FLCN: variants seen among roughly 807,000 people sequenced by gnomAD.
FLCN encodes BHD skin lesion fibrofolliculoma protein.
In FLCN, 22 loss-of-function variants were observed where a neutral mutation model predicts 62.5. The ratio of observed to expected loss-of-function variants is 0.35; its 90% confidence interval spans 0.25 to 0.50. The LOEUF is 0.50. FLCN is among the 20% of genes least tolerant of loss of function. The pLI, the probability that FLCN is intolerant of heterozygous loss-of-function variation, is 0.97. For synonymous variants in FLCN, 319 were observed against 310.0 expected, an observed-to-expected ratio of 1.03 and a Z score of -0.30; for missense variants, 657 against 778.0, an observed-to-expected ratio of 0.84 and a Z score of 1.85.
Position 17,212,701 on chromosome 17 carries a change from G to T in FLCN, c.*954C>A, listed in dbSNP as rs909597510. 2 of 181,914 alleles carry T rather than the reference G, an allele frequency of 1.1e-5. No homozygotes were observed. The highest frequency in any genetic ancestry group is 2.3e-5 in the Non-Finnish European group (2 of 85,538). The allele number at this position is 181,914 out of a possible 1,614,324, so 11.3% of individuals were successfully genotyped here. A position where few individuals can be genotyped will look rare whatever the true frequency, so the allele number is the denominator to read the frequency against. ...CTCTGGAGGCTGAGGCAGGAGAATT[G>T]CTTGAACCCAGGAGGCAGAGGTTGC... On this transcript the variant is annotated 3_prime_UTR_variant, in exon 14 of 14. Coordinates refer to ENST00000285071, the MANE Select transcript of FLCN (RefSeq NM_144997.7).
intron 3 of FLCN, among the ~76,000 whole-genome samples, chr17:17,229,696 G>A (rs541968042): frequency 6.6e-6 from 1 of 152,344 alleles, no homozygotes; most frequent in South Asian, 2.1e-4. Flanking sequence ...TTTTTAAAAG[G>A]GGGAGTGGTA....
intron 9 of FLCN, 36 bp downstream of exon 9, chr17:17,218,983 C>T: frequency 6.2e-7 from 1 of 1,609,628 alleles, no homozygotes; most frequent in Non-Finnish European, 8.5e-7. Context: ...TGGCTCTCCT[C>T]CTGAGCTCCT....
At chr17:17,232,416 T>C (rs1308594777) in intron 2 of FLCN, among the ~76,000 whole-genome samples, 2 of 152,098 alleles carry the variant, frequency 1.3e-5, no homozygotes, top group African/African-American at 4.8e-5. Flanking sequence ...CTTGGAAAGA[T>C]GACAGCTGTT....
At chr17:17,228,867 CT>C (rs1201617746) in intron 3 of FLCN, 1 of 152,448 alleles carries the variant, frequency 6.6e-6, no homozygotes, top group African/African-American at 2.4e-5. Context: ...CCGAAAGACC[CT>C]GGATGTGTTA....
In FLCN at chr17:17,216,401, G is replaced by C. The variant is rs773986076; in HGVS notation, c.1279C>G (p.Pro427Ala). 6.2e-7 allele frequency: 1 copy of C among 1,613,620 alleles called. No individual in the cohort carries two copies. Residue 427 changes from proline to alanine, a missense_variant, in exon 11 of 14, where the codon CCC (proline) becomes GCC (alanine). By Grantham distance (27) the Pro-to-Ala change is conservative. Transcript: ENST00000285071. The surrounding 1 kb of genome is among the most constrained non-coding windows in gnomAD (Gnocchi z 4.0). The part of the protein sequence containing the change: ...FLGLSPHVQI[P>A]PHVLSSEFAV... ...GCACCTGAGGAGAGCACGTGGGGGG[G>C]GATCTGCACGTGCGGGCTGAGCCCC... is the stretch of plus-strand genomic sequence containing the variant.
chr17:17,219,254 AT>A, intron 8 of FLCN, 45 bp from the exon 9 acceptor site: 1 of 1,593,068 alleles, frequency 6.3e-7, no homozygotes, highest in Non-Finnish European at 8.6e-7. Context: ...AAACAGTCTC[AT>A]CCTGTGACTT....
chr17:17,235,842 T>C (rs773209586), intron 1 of FLCN: 5 of 152,184 alleles, frequency 3.3e-5, no homozygotes, highest in Non-Finnish European at 7.3e-5. Flanking sequence ...AGAACCCACA[T>C]AGGAAGCCGA....
chr17:17,234,166 TC>T (rs2047508348), intron 1 of FLCN, among the ~76,000 whole-genome samples: 1 of 151,212 alleles, frequency 6.6e-6, no homozygotes, highest in Non-Finnish European at 1.5e-5. Context: ...ACAAGCCACT[TC>T]CCAGCACCCA....
At chr17:17,234,711 C>T (rs2047530884) in intron 1 of FLCN, among the ~76,000 whole-genome samples, 1 of 151,108 alleles carries the variant, frequency 6.6e-6, no homozygotes, top group Non-Finnish European at 1.5e-5. Flanking sequence ...GGTGTGGTGG[C>T]TCATGCTTGT....
At chr17:17,221,137 A>C in intron 8 of FLCN, 1 of 1,402,256 alleles carries the variant, frequency 7.1e-7, no homozygotes, top group Non-Finnish European at 9.3e-7. Context: ...GAGGTCAGGG[A>C]ACCACTGCCC....
chr17:17,225,275 G>C (rs1444350964), intron 5 of FLCN: 1 of 152,380 alleles, frequency 6.6e-6, no homozygotes, highest in African/African-American at 2.4e-5. Flanking sequence ...TCCTATCTTA[G>C]GAATACATCC....
rs367843558 is a variant in FLCN, at chr17:17,222,627, C to T, written c.653G>A (p.Arg218His). Residue 218 changes from arginine to histidine, a missense_variant, in exon 7 of 14, where the codon CGT (arginine) becomes CAT (histidine). Coordinates refer to ENST00000285071, the MANE Select transcript of FLCN (RefSeq NM_144997.7). The stretch of plus-strand genomic sequence containing the variant: ...GAAGGCTGTGTTCATCCTCTGAGCA[C>T]GCTGTGGGCATCCAAACTGCTCTGC... ...FEAEQFGCPQ[R>H]AQRMNTAFTP... The T allele has an allele frequency of 8.7e-6, 14 of 1,614,192 alleles. No individual in the cohort carries two copies. Among genetic ancestry groups the T allele is most frequent in the African/African-American group, 4.0e-5 (3 of 75,036 alleles).
chr17:17,218,385 T>C (rs1240139097), intron 9 of FLCN, among the ~76,000 whole-genome samples: 1 of 117,872 alleles, frequency 8.5e-6, no homozygotes. Flanking sequence ...ACCATCACTT[T>C]CTTTTTTTTT....
At chr17:17,234,221 T>TG (rs1364965956) in intron 1 of FLCN, among the ~76,000 whole-genome samples, 19 of 147,714 alleles carry the variant, frequency 1.3e-4, no homozygotes, top group African/African-American at 3.9e-4. Context: ...TTGGTTTGTT[T>TG]TTTTTTTTGC....
Position 17,217,191 on chromosome 17 carries a change from G to A in FLCN, c.1063-9C>T, listed in dbSNP as rs750271662. On this transcript the variant is annotated splice_polypyrimidine_tract_variant and intron_variant, in intron 9 of 13. Coordinates refer to ENST00000285071, the MANE Select transcript of FLCN (RefSeq NM_144997.7). ...GAAGGGGCACCCAGGACCTAAACAA[G>A]AGAGTGCAGTGCTTTCAGCGTGACT... is the stretch of plus-strand genomic sequence containing the variant. 6.3e-7 allele frequency: 1 copy of A among 1,579,252 alleles called. No individual in the cohort carries two copies. The highest frequency in any genetic ancestry group is 8.7e-7 in the Non-Finnish European group (1 of 1,148,392).
chr17:17,223,122 C>T, intron 6 of FLCN: 1 of 299,962 alleles, frequency 3.3e-6, no homozygotes, highest in Non-Finnish European at 6.6e-6. Context: ...GAGATGGAGT[C>T]TCACTCTGTC....
At chr17:17,221,076 C>T (rs1203810547) in intron 8 of FLCN, 3 of 1,124,250 alleles carry the variant, frequency 2.7e-6, no homozygotes, top group East Asian at 3.2e-5. Context: ...GATCCCCAAA[C>T]ACAGGGCCCC....
At position 17,213,364 on chromosome 17, in the gene FLCN, G is replaced by A. The variant is rs1222327304; in HGVS notation, c.*291C>T. ...TGAGTCTAAGTCCACAAGGGGCCTG[G>A]GAGGCAAGCTGTCCTCCTAGTCGTC... On this transcript the variant is annotated 3_prime_UTR_variant, in exon 14 of 14. Coordinates refer to ENST00000285071, the MANE Select transcript of FLCN (RefSeq NM_144997.7). 1.8e-6 allele frequency: 1 copy of A among 542,118 alleles called. No individual in the cohort carries two copies. The highest frequency in any genetic ancestry group is 3.1e-5 in the East Asian group (1 of 31,908). The allele number at this position is 542,118 out of a possible 1,614,324, so 33.6% of individuals were successfully genotyped here.
Position 17,233,126 on chromosome 17 carries a change from T to A in FLCN, c.-227-225A>T, listed in dbSNP as rs1208260147. ...CCTCTGAGGCACTCTAAACCAGTATTTGATCAAGGATCTCTGTATTTATTT... is the reference window on the plus strand; with the variant it reads ...CCTCTGAGGCACTCTAAACCAGTATATGATCAAGGATCTCTGTATTTATTT... On this transcript the variant is annotated intron_variant, in intron 1 of 13. Coordinates refer to ENST00000285071, the MANE Select transcript of FLCN (RefSeq NM_144997.7). 2.0e-5 allele frequency among the ~76,000 whole-genome samples: 3 copies of A among 152,142 alleles called. No individual in the cohort carries two copies. The East Asian group carries it at 5.8e-4, about 29-fold the overall frequency.
Sources: gnomAD v4.1 joint callset for allele counts (sites outside exome capture counted in the v4.1 genomes callset) on GRCh38, gnomAD v4.1.1 for gene constraint, Gnocchi (gnomAD v3.1) non-coding constraint, MANE v1.5 for transcripts, NCBI Gene and HGNC (gene_info 2026-07-23, HGNC 2026-07-21) for gene names.